The following LSAMP variants were observed in gnomAD, a reference collection of about 807,000 sequenced individuals.
LSAMP encodes the protein limbic system-associated membrane protein.
A neutral mutation model predicts 38.6 loss-of-function variants in LSAMP; 7 were observed. That is an observed-to-expected ratio of 0.18 (90% CI 0.10 to 0.34). LSAMP has a LOEUF of 0.34. Among genes scored for constraint, LSAMP ranks in the 10% least tolerant of loss-of-function variants. LSAMP has a pLI of 1.00. For synonymous variants in LSAMP, 154 were observed against 166.8 expected (o/e 0.92, Z 0.59); for missense variants, 313 against 420.0 (o/e 0.75, Z 2.23).
At chr3:116,002,887 T>C (rs1940042909) in intron 3 of LSAMP, among the ~76,000 whole-genome samples, 1 of 152,184 alleles carries the variant, frequency 6.6e-6, no homozygotes, top group Non-Finnish European at 1.5e-5. Flanking sequence ...TTATGAGCAA[T>C]GTTTGAAGGA....
chr3:115,843,428 G>A (rs1263122298), intron 4 of LSAMP, among the ~76,000 whole-genome samples: 1 of 152,088 alleles, frequency 6.6e-6, no homozygotes, highest in Admixed American at 6.5e-5. Flanking sequence ...TAGGATTATA[G>A]ACTCAAGCTC....
At chr3:116,120,819 T>G (rs559693410) in intron 1 of LSAMP, among the ~76,000 whole-genome samples, 3 of 152,218 alleles carry the variant, frequency 2.0e-5, no homozygotes, top group Non-Finnish European at 4.4e-5. Context: ...CTTTCTAAGC[T>G]CTTCATAAAC....
chr3:116,312,009 G>A (rs2047563706), intron 1 of LSAMP, among the ~76,000 whole-genome samples: 1 of 152,110 alleles, frequency 6.6e-6, no homozygotes, highest in African/African-American at 2.4e-5. Flanking sequence ...TGGTGGAGTG[G>A]AAAACCATAC....
chr3:115,893,796 G>A (rs1936661747), intron 3 of LSAMP, among the ~76,000 whole-genome samples: 1 of 151,850 alleles, frequency 6.6e-6, no homozygotes, highest in African/African-American at 2.4e-5. Flanking sequence ...AATAAAAATG[G>A]ACTTTTACAC....
At chr3:115,956,980 G>A (rs1281601528) in intron 3 of LSAMP, among the ~76,000 whole-genome samples, 1 of 152,054 alleles carries the variant, frequency 6.6e-6, no homozygotes, top group Non-Finnish European at 1.5e-5. Flanking sequence ...TTTTTGTGAG[G>A]ACCCATTTAG....
chr3:116,104,841 T>G (rs545632085), intron 1 of LSAMP, among the ~76,000 whole-genome samples: 20 of 152,314 alleles, frequency 1.3e-4, no homozygotes, highest in African/African-American at 4.8e-4. Flanking sequence ...CAGACATTCC[T>G]TCTCTGTCAG....
intron 1 of LSAMP, among the ~76,000 whole-genome samples, chr3:116,103,600 G>A (rs1708398191): frequency 1.5e-5 from 2 of 132,088 alleles, no homozygotes; most frequent in East Asian, 2.2e-4. Context: ...TTGAGGACAT[G>A]AGTCAATGTA....
At chr3:116,028,439 G>A (rs1353885921) in intron 2 of LSAMP, among the ~76,000 whole-genome samples, 2 of 152,142 alleles carry the variant, frequency 1.3e-5, no homozygotes, top group Non-Finnish European at 2.9e-5. Context: ...ATTTGCTTTT[G>A]AATCTCCGTC....
intron 3 of LSAMP, among the ~76,000 whole-genome samples, chr3:115,924,532 T>C (rs1273521170): frequency 6.6e-6 from 1 of 152,204 alleles, no homozygotes; most frequent in East Asian, 1.9e-4. Flanking sequence ...GAGAAACTTG[T>C]CTAAAATCAC....
At chr3:116,277,430 G>A (rs981879059) in intron 1 of LSAMP, among the ~76,000 whole-genome samples, 1 of 151,570 alleles carries the variant, frequency 6.6e-6, no homozygotes, top group Non-Finnish European at 1.5e-5. Flanking sequence ...GTGCAGTGGC[G>A]TGATCTCGGC....
At chr3:116,397,912 T>C (rs1265921385) in intron 1 of LSAMP, among the ~76,000 whole-genome samples, 2 of 152,072 alleles carry the variant, frequency 1.3e-5, no homozygotes, top group African/African-American at 4.8e-5. Context: ...CACACATCTG[T>C]AAATTTGTTT....
intron 1 of LSAMP, among the ~76,000 whole-genome samples, chr3:116,309,768 G>T (rs1312111320): frequency 6.6e-6 from 1 of 152,120 alleles, no homozygotes; most frequent in Non-Finnish European, 1.5e-5. Context: ...ATCAGAACAA[G>T]GAAGGTGATT....
chr3:115,958,441 A>G (rs1481620431), intron 3 of LSAMP, among the ~76,000 whole-genome samples: 2 of 152,164 alleles, frequency 1.3e-5, no homozygotes, highest in African/African-American at 2.4e-5. Flanking sequence ...CGTTTCAAAG[A>G]TGCTTGTGAA....
At chr3:116,057,973 A>ACACACACC (rs1248208511) in intron 2 of LSAMP, among the ~76,000 whole-genome samples, 1 of 149,108 alleles carries the variant, frequency 6.7e-6, no homozygotes, top group Non-Finnish European at 1.5e-5. Context: ...ACACACACAC[A>ACACACACC]CACACACAGA....
At chr3:116,142,741 T>G (rs1709398091) in intron 1 of LSAMP, among the ~76,000 whole-genome samples, 1 of 152,004 alleles carries the variant, frequency 6.6e-6, no homozygotes, top group Admixed American at 6.6e-5. Context: ...TATGGCCTGT[T>G]ACAGAGTGAT....
intron 1 of LSAMP, among the ~76,000 whole-genome samples, chr3:116,311,611 C>T (rs142138610): frequency 6.6e-6 from 1 of 152,134 alleles, no homozygotes; most frequent in Admixed American, 6.5e-5. Flanking sequence ...GGTTTAGAAC[C>T]GGACAACCAG....
At chr3:116,444,717 A>G (rs2049481746) in intron 1 of LSAMP, among the ~76,000 whole-genome samples, 160 bp downstream of exon 1, 1 of 150,800 alleles carries the variant, frequency 6.6e-6, no homozygotes, top group Non-Finnish European at 1.5e-5. Flanking sequence ...AAACAGGGAC[A>G]CACACACACA....
intron 1 of LSAMP, among the ~76,000 whole-genome samples, chr3:116,206,862 GA>G (rs1014140651): frequency 1.3e-5 from 2 of 150,994 alleles, no homozygotes; most frequent in South Asian, 2.1e-4. Context: ...CTGTGGTGCT[GA>G]AAAAAATGTA....
chr3:116,058,447 T>C (rs1451276057), intron 2 of LSAMP, among the ~76,000 whole-genome samples: 2 of 147,012 alleles, frequency 1.4e-5, no homozygotes, highest in Non-Finnish European at 3.0e-5. Context: ...AGGGTTTCTG[T>C]AGTATAAAAT....
Sources: gnomAD v4.1 joint callset for allele counts (sites outside exome capture counted in the v4.1 genomes callset) on GRCh38, gnomAD v4.1.1 for gene constraint, MANE v1.5 for transcripts, NCBI Gene and HGNC (gene_info 2026-07-23, HGNC 2026-07-21) for gene names.